The following GLIS3 variants were observed in gnomAD, a reference collection of about 807,000 sequenced individuals.
GLIS3 encodes zinc finger protein GLIS3.
A neutral mutation model predicts 78.6 loss-of-function variants in GLIS3; 53 were observed. That is an observed-to-expected ratio of 0.67 (90% CI 0.54 to 0.85). The LOEUF is 0.85. GLIS3 is among the 40% of genes least tolerant of loss of function. GLIS3 has a pLI of 0.00. For synonymous variants in GLIS3, 684 were observed against 509.9 expected, an observed-to-expected ratio of 1.34 and a Z score of -4.60; for missense variants, 1,703 against 1,231.1, an observed-to-expected ratio of 1.38 and a Z score of -5.74.
chr9:4,098,633 A>T (rs889246996), intron 4 of GLIS3, among the ~76,000 whole-genome samples: 1 of 152,150 alleles, frequency 6.6e-6, no homozygotes, highest in African/African-American at 2.4e-5. Flanking sequence ...TAGTTCTAAA[A>T]ACGTAATCTC....
At chr9:4,105,827 A>G (rs1163222870) in intron 4 of GLIS3, among the ~76,000 whole-genome samples, 7 of 152,244 alleles carry the variant, frequency 4.6e-5, no homozygotes, top group Non-Finnish European at 1.0e-4. Context: ...CAGAGTCACA[A>G]TCTAAATCTG....
chr9:3,982,395 C>T (rs1003654173), intron 4 of GLIS3, among the ~76,000 whole-genome samples: 1 of 152,134 alleles, frequency 6.6e-6, no homozygotes, highest in Non-Finnish European at 1.5e-5. Context: ...CTTGCTCTCA[C>T]CAGGTTGTGC....
the GLIS3 span, among the ~76,000 whole-genome samples, chr9:4,406,705 C>A: frequency 4.7e-4 from 71 of 152,072 alleles, no homozygotes; most frequent in African/African-American, 1.7e-3. Flanking sequence ...TTTACAATAC[C>A]CATACATAAA....
At chr9:4,404,078 C>T in the GLIS3 span, among the ~76,000 whole-genome samples, 3 of 152,036 alleles carry the variant, frequency 2.0e-5, no homozygotes, top group East Asian at 3.8e-4. Context: ...AGTAGCTATA[C>T]TTATGAGAAA....
chr9:4,334,871 A>G (rs571943255), intron 2 of GLIS3, among the ~76,000 whole-genome samples: 1 of 150,878 alleles, frequency 6.6e-6, no homozygotes, highest in Admixed American at 6.6e-5. Flanking sequence ...CAACTACAAT[A>G]AGAGCAGCTC....
At chr9:4,148,198 C>A (rs2131023257) in intron 2 of GLIS3, among the ~76,000 whole-genome samples, 1 of 152,202 alleles carries the variant, frequency 6.6e-6, no homozygotes, top group Admixed American at 6.5e-5. Flanking sequence ...GCAAAAATAG[C>A]TTCAGGAAAA....
chr9:3,875,586 C>G (rs981719171), intron 8 of GLIS3: 1 of 152,178 alleles, frequency 6.6e-6, no homozygotes, highest in African/African-American at 2.4e-5. Flanking sequence ...CCCAGGCAAA[C>G]AGAGGCAAAG....
chr9:4,043,151 A>C (rs1344380578), intron 4 of GLIS3, among the ~76,000 whole-genome samples: 1 of 152,060 alleles, frequency 6.6e-6, no homozygotes, highest in Non-Finnish European at 1.5e-5. Context: ...TCAAGGTCCC[A>C]ATTTAACTCC....
chr9:4,285,375 A>T (rs1350705403), intron 2 of GLIS3, among the ~76,000 whole-genome samples: 1 of 152,214 alleles, frequency 6.6e-6, no homozygotes, highest in Non-Finnish European at 1.5e-5. Flanking sequence ...CTAATGAATT[A>T]AAAGCACATT....
At chr9:4,100,344 A>G (rs936727040) in intron 4 of GLIS3, among the ~76,000 whole-genome samples, 14 of 152,210 alleles carry the variant, frequency 9.2e-5, no homozygotes, top group Admixed American at 3.3e-4. Context: ...AAGAAGATAA[A>G]TAACTTCTGG....
At chr9:3,991,694 T>A (rs1820266550) in intron 4 of GLIS3, among the ~76,000 whole-genome samples, 1 of 134,724 alleles carries the variant, frequency 7.4e-6, no homozygotes. Context: ...TTTTTTTTTT[T>A]TTTTTTTTTT....
intron 2 of GLIS3, among the ~76,000 whole-genome samples, chr9:4,255,721 G>C (rs1479259129): frequency 6.6e-6 from 1 of 152,096 alleles, no homozygotes; most frequent in Non-Finnish European, 1.5e-5. Context: ...AGGGAGGGAT[G>C]AATAGGCAGG....
At chr9:4,276,323 G>GGAGGGGAGGA (rs1386811780) in intron 2 of GLIS3, among the ~76,000 whole-genome samples, 34 of 126,010 alleles carry the variant, frequency 2.7e-4, no homozygotes, top group African/African-American at 9.9e-4. Flanking sequence ...GGAGGGGAGG[G>GGAGGGGAGGA]GAGGGGAGGA....
At chr9:4,001,476 A>G (rs2129917929) in intron 4 of GLIS3, among the ~76,000 whole-genome samples, 1 of 152,350 alleles carries the variant, frequency 6.6e-6, no homozygotes, top group Admixed American at 6.5e-5. Flanking sequence ...ACCACACAAT[A>G]TCAAACAATA....
intron 2 of GLIS3, among the ~76,000 whole-genome samples, chr9:4,160,562 C>A (rs1282553418): frequency 6.6e-6 from 1 of 152,228 alleles, no homozygotes; most frequent in Non-Finnish European, 1.5e-5. Flanking sequence ...TGTCTTCACT[C>A]TGAGCTTTTC....
intron 4 of GLIS3, among the ~76,000 whole-genome samples, chr9:4,035,621 CTCTTGTT>C (rs1322020781): frequency 1.3e-5 from 2 of 152,048 alleles, no homozygotes; most frequent in Non-Finnish European, 2.9e-5. Flanking sequence ...CTCCATGTAA[CTCTTGTT>C]TCTGTTATAC....
At chr9:3,835,095 A>T (rs1818270473) in intron 9 of GLIS3, among the ~76,000 whole-genome samples, 1 of 152,210 alleles carries the variant, frequency 6.6e-6, no homozygotes, top group African/African-American at 2.4e-5. Flanking sequence ...TCAAAGGGAT[A>T]AGTCATGATC....
intron 4 of GLIS3, among the ~76,000 whole-genome samples, chr9:3,981,806 C>A (rs1335974228): frequency 1.3e-5 from 2 of 152,170 alleles, no homozygotes; most frequent in African/African-American, 4.8e-5. Context: ...CCAAGCAGAT[C>A]CAGAAGACTA....
the GLIS3 span, among the ~76,000 whole-genome samples, chr9:4,391,253 C>A: frequency 2.6e-5 from 4 of 152,186 alleles, no homozygotes; most frequent in African/African-American, 9.7e-5. Flanking sequence ...GGGTACCTCA[C>A]CTCCAGAAGA....
Sources: gnomAD v4.1 joint callset for allele counts (sites outside exome capture counted in the v4.1 genomes callset) on GRCh38, gnomAD v4.1.1 for gene constraint, MANE v1.5 for transcripts, NCBI Gene and HGNC (gene_info 2026-07-23, HGNC 2026-07-21) for gene names.